DNAH7: variants seen among roughly 807,000 people sequenced by gnomAD.
The protein encoded by DNAH7 is dynein axonemal heavy chain 7, also known as axonemal beta dynein heavy chain 7.
DNAH7 carries 397 observed loss-of-function variants against 444.6 expected under a neutral mutation model. That is an observed-to-expected ratio of 0.89 (90% CI 0.82 to 0.97). DNAH7 has a LOEUF of 0.97. Ranked by LOEUF, DNAH7 falls within the 50% of genes least tolerant of loss-of-function variation. DNAH7 has a pLI of 0.00. For synonymous variants in DNAH7, 1,636 were observed against 1,624.4 expected (o/e 1.01, Z -0.17); for missense variants, 4,902 against 4,800.8 (o/e 1.02, Z -0.62).
intron 10 of DNAH7, among the ~76,000 whole-genome samples, chr2:196,008,718 T>C (rs1331491531): frequency 6.6e-6 from 1 of 151,814 alleles, no homozygotes; most frequent in Admixed American, 6.6e-5. Context: ...ATGTCCAGAG[T>C]AGGGAAATTC....
chr2:195,792,082 G>A (rs925480534), intron 57 of DNAH7, among the ~76,000 whole-genome samples: 9 of 138,706 alleles, frequency 6.5e-5, no homozygotes, highest in East Asian at 2.3e-4. Context: ...TGGGATAATC[G>A]TTTGAGCCCA....
chr2:196,049,319 T>C (rs960729695), intron 3 of DNAH7, among the ~76,000 whole-genome samples: 4 of 152,236 alleles, frequency 2.6e-5, no homozygotes, highest in South Asian at 4.1e-4. Context: ...ACAGTGCTCT[T>C]CCATTTTCCA....
chr2:196,034,363 G>A (rs1020534686), intron 5 of DNAH7, among the ~76,000 whole-genome samples: 3 of 152,168 alleles, frequency 2.0e-5, no homozygotes, highest in Admixed American at 6.5e-5. Context: ...TGTATATAAA[G>A]TGCTGAGAGC....
At chr2:195,989,303 C>G (rs546029119) in intron 12 of DNAH7, among the ~76,000 whole-genome samples, 3 of 152,310 alleles carry the variant, frequency 2.0e-5, no homozygotes, top group African/African-American at 7.2e-5. Flanking sequence ...ACATTCCCAC[C>G]AACAGTGTGT....
chr2:195,798,397 C>A (rs527292488), intron 55 of DNAH7, among the ~76,000 whole-genome samples: 1 of 151,974 alleles, frequency 6.6e-6, no homozygotes, highest in South Asian at 2.1e-4. Context: ...TTTAATTGTA[C>A]CAAATCGAAA....
intron 12 of DNAH7, among the ~76,000 whole-genome samples, chr2:195,991,218 C>A (rs1294053634): frequency 6.6e-6 from 1 of 151,920 alleles, no homozygotes; most frequent in African/African-American, 2.4e-5. Flanking sequence ...TTTGCCTACT[C>A]CCAATTTTGG....
At chr2:195,963,102 T>A (rs1691223229) in intron 17 of DNAH7, among the ~76,000 whole-genome samples, 1 of 152,246 alleles carries the variant, frequency 6.6e-6, no homozygotes, top group Non-Finnish European at 1.5e-5. Flanking sequence ...TTTGATATCT[T>A]GACTTCCTTT....
chr2:195,968,877 C>T (rs939056591), intron 17 of DNAH7, among the ~76,000 whole-genome samples: 1 of 152,176 alleles, frequency 6.6e-6, no homozygotes, highest in African/African-American at 2.4e-5. Flanking sequence ...CAGCTGAGGT[C>T]AGAACAGTTT....
chr2:196,049,369 A>G (rs982455141), intron 3 of DNAH7, among the ~76,000 whole-genome samples: 2 of 152,148 alleles, frequency 1.3e-5, no homozygotes, highest in Non-Finnish European at 2.9e-5. Flanking sequence ...TTGCTCCATA[A>G]AAGTTTTAAA....
At chr2:196,012,686 T>C (rs1694790840) in intron 10 of DNAH7, 101 bp downstream of exon 10, 1 of 1,219,256 alleles carries the variant, frequency 8.2e-7, no homozygotes, top group Non-Finnish European at 1.1e-6. Context: ...AGAAATGATT[T>C]AAAACATTAA....
intron 34 of DNAH7, among the ~76,000 whole-genome samples, chr2:195,885,929 C>T (rs1421311570): frequency 2.0e-5 from 3 of 152,182 alleles, no homozygotes; most frequent in South Asian, 2.1e-4. Flanking sequence ...GGGCTCCGCC[C>T]GAACCTCATG....
rs1260735627 is a variant in DNAH7, at chr2:195,988,132, C to T, written c.1451G>A (p.Ser484Asn). 3 of 1,613,562 alleles carry T rather than the reference C, an allele frequency of 1.9e-6. No individual in the cohort carries two copies. The highest frequency in any genetic ancestry group is 1.7e-5 in the Admixed American group (1 of 59,956). The change falls in exon 13 of 65, where the codon AGT (serine) becomes AAT (asparagine). Residue 484 changes from serine to asparagine, a missense_variant. By Grantham distance (46) the Ser-to-Asn change is conservative. Coordinates refer to ENST00000312428, the MANE Select transcript of DNAH7 (RefSeq NM_018897.3). Reference protein sequence around the residue: ...EKIKEVIMKESVAPTEHLRLY... With the variant: ...EKIKEVIMKENVAPTEHLRLY... The stretch of plus-strand genomic sequence containing the variant: ...TCTGAGGTGCTCAGTAGGTGCCACA[C>T]TCTCTTTCATAATAACTTCCTTGAT...
At chr2:195,910,504 T>C (rs1276642693) in intron 24 of DNAH7, among the ~76,000 whole-genome samples, 2 of 152,122 alleles carry the variant, frequency 1.3e-5, no homozygotes, top group Non-Finnish European at 2.9e-5. Flanking sequence ...TGTAAGCATA[T>C]GGAAATGTTA....
chr2:195,855,177 A>C (rs1574574955), intron 45 of DNAH7, among the ~76,000 whole-genome samples: 1 of 152,394 alleles, frequency 6.6e-6, no homozygotes, highest in East Asian at 1.9e-4. Context: ...TTCTTAGAAC[A>C]ACCGGCCTTT....
At chr2:195,930,979 G>C (rs1359001459) in intron 21 of DNAH7, among the ~76,000 whole-genome samples, 1 of 151,926 alleles carries the variant, frequency 6.6e-6, no homozygotes, top group Non-Finnish European at 1.5e-5. Flanking sequence ...CTAAACCTTA[G>C]GTACTCATGG....
intron 21 of DNAH7, among the ~76,000 whole-genome samples, chr2:195,930,471 T>TA (rs1182018761): frequency 6.6e-6 from 1 of 152,054 alleles, no homozygotes. Context: ...AGTACCAAAA[T>TA]GAGATATCAT....
intron 5 of DNAH7, among the ~76,000 whole-genome samples, chr2:196,032,775 A>G (rs1157434682): frequency 6.6e-6 from 1 of 152,246 alleles, no homozygotes; most frequent in South Asian, 2.1e-4. Flanking sequence ...TTATGAGGCC[A>G]TTAGTGGCCT....
chr2:195,901,963 T>C (rs1177263422), intron 27 of DNAH7: 1 of 152,178 alleles, frequency 6.6e-6, no homozygotes, highest in Non-Finnish European at 1.5e-5. Flanking sequence ...TATTAGTATG[T>C]ATGAGGACTC....
chr2:195,949,965 C>T (rs567536695), intron 19 of DNAH7, among the ~76,000 whole-genome samples: 1 of 152,102 alleles, frequency 6.6e-6, no homozygotes, highest in Non-Finnish European at 1.5e-5. Context: ...CTTGATCATG[C>T]TGGATAAGCT....
Sources: allele counts gnomAD v4.1 joint callset (sites outside exome capture counted in the v4.1 genomes callset), GRCh38; gene constraint gnomAD v4.1.1; transcripts MANE v1.5; gene names NCBI Gene and HGNC (gene_info 2026-07-23, HGNC 2026-07-21).